The following DOCK7 variants were observed in gnomAD, a reference collection of about 807,000 sequenced individuals.
DOCK7 encodes the protein dedicator of cytokinesis protein 7.
In DOCK7, 138 loss-of-function variants were observed where a neutral mutation model predicts 271.0. The ratio of observed to expected loss-of-function variants is 0.51; its 90% CI spans 0.44 to 0.59. The LOEUF (loss-of-function observed/expected upper bound fraction) is 0.59. Among genes scored for constraint, DOCK7 ranks in the 20% least tolerant of loss-of-function variants. The pLI, the probability that DOCK7 is intolerant of heterozygous loss-of-function variation, is 0.00. For missense variants in DOCK7, 2,066 were observed against 2,592.4 expected (o/e 0.80, Z 4.41); for synonymous variants, 823 against 876.1 (o/e 0.94, Z 1.07).
intron 1 of DOCK7, among the ~76,000 whole-genome samples, chr1:62,669,271 G>A (rs1371420312): frequency 6.6e-6 from 1 of 152,216 alleles, no homozygotes; most frequent in Admixed American, 6.5e-5. Context: ...TAGTGGGAAA[G>A]CCCAATGTTT....
At chr1:62,488,635 T>A in intron 42 of DOCK7, 1 of 309,614 alleles carries the variant, frequency 3.2e-6, no homozygotes, top group South Asian at 3.4e-5. Context: ...GATTCACAAC[T>A]ATGATCTACC....
chr1:62,519,679 G>C (rs1644786348), intron 31 of DOCK7, among the ~76,000 whole-genome samples: 1 of 152,132 alleles, frequency 6.6e-6, no homozygotes, highest in African/African-American at 2.4e-5. Context: ...GATGAGAAGG[G>C]ATGACTAACT....
In DOCK7 at chr1:62,473,978, A is replaced by G. The variant is rs764885038; in HGVS notation, c.6212+4T>C. On this transcript the variant is annotated splice_donor_region_variant and intron_variant, in intron 48 of 49. Coordinates refer to ENST00000635253, the MANE Select transcript of DOCK7 (RefSeq NM_001367561.1). ...AAGATCTTTACGCAGAAAGCCTTGA[A>G]TACCTTTTAGTAAAATCTTTAAAGC... The G allele has an allele frequency of 6.2e-7, 1 of 1,611,934 alleles. No homozygotes were observed. Among genetic ancestry groups the G allele is most frequent in the Non-Finnish European group, 8.5e-7 (1 of 1,178,226 alleles).
intron 4 of DOCK7, among the ~76,000 whole-genome samples, chr1:62,651,751 T>C (rs1006423778): frequency 6.6e-5 from 10 of 152,218 alleles, no homozygotes; most frequent in African/African-American, 2.4e-4. Context: ...CAGATCTTAA[T>C]CTGTGTTCCA....
At chr1:62,688,200 G>A in intron 1 of DOCK7, 27 bp downstream of exon 1, 2 of 1,369,648 alleles carry the variant, frequency 1.5e-6, no homozygotes, top group Non-Finnish European at 9.5e-7. Context: ...GGCGGCGGCG[G>A]CGGCGCGCCC....
Position 62,475,952 on chromosome 1 carries a change from G to A in DOCK7, c.5725-9C>T, listed in dbSNP as rs1159593832. The A allele has an allele frequency of 6.2e-7, 1 of 1,608,068 alleles. No homozygotes were observed. ...GTAATCTGAATATATGCCTAGGAAA[G>A]AAAAAAGTCCTTCATTTCCTCACTG... is the stretch of plus-strand genomic sequence containing the variant. On this transcript the variant is annotated splice_polypyrimidine_tract_variant and intron_variant, in intron 45 of 49. Transcript: ENST00000635253.
intron 18 of DOCK7, among the ~76,000 whole-genome samples, chr1:62,571,782 C>T (rs1646789298): frequency 6.6e-6 from 1 of 152,128 alleles, no homozygotes; most frequent in South Asian, 2.1e-4. Context: ...AGCCATTATC[C>T]TGAACAAACT....
In DOCK7 at chr1:62,601,183, T is replaced by C. The variant is rs190255403; in HGVS notation, c.1683-14559A>G. ...TTCTTCAGTTGAATGAAATAAGAAA[T>C]GTAAAACATGATGGTAAGACACTTT... On this transcript the variant is annotated intron_variant, in intron 14 of 49. Transcript: ENST00000635253. 14 of 1,602,574 alleles carry C rather than the reference T, an allele frequency of 8.7e-6. No homozygotes were observed. The South Asian group carries it at 1.1e-4, about 13-fold the overall frequency.
At position 62,555,895 on chromosome 1, in the gene DOCK7, G is replaced by C; in HGVS notation, c.2526C>G (p.Asn842Lys). The C allele has an allele frequency of 6.2e-7, 1 of 1,613,884 alleles. No individual in the cohort carries two copies. The highest frequency in any genetic ancestry group is 8.5e-7 in the Non-Finnish European group (1 of 1,179,900). Residue 842 changes from asparagine to lysine, a missense_variant, in exon 21 of 50, where the codon AAC becomes AAG. Asn to Lys is a moderately conservative substitution (Grantham distance 94). Transcript: ENST00000635253. Reference protein sequence around the residue: ...LEGNHDQHGRNSLLASYIHYV... With the variant: ...LEGNHDQHGRKSLLASYIHYV... ...AATGAATATATGATGCAAGAAGGCT[G>C]TTTCTGCCATGCTGGTCATGATTTC...
intron 43 of DOCK7, 107 bp from the exon 44 acceptor site, chr1:62,477,932 A>G (rs1646013003): frequency 2.4e-6 from 3 of 1,255,870 alleles, no homozygotes; most frequent in Admixed American, 5.7e-5. Context: ...AACATTGCAA[A>G]AAGTTTTAAT....
At chr1:62,460,017 A>G (rs1031833414) in intron 48 of DOCK7, among the ~76,000 whole-genome samples, 5 of 146,958 alleles carry the variant, frequency 3.4e-5, no homozygotes, top group South Asian at 2.2e-4. Context: ...GGAGAATGGC[A>G]TGAACCTGGG....
At chr1:62,661,372 G>A (rs1435980285) in intron 2 of DOCK7, among the ~76,000 whole-genome samples, 1 of 152,038 alleles carries the variant, frequency 6.6e-6, no homozygotes, top group Non-Finnish European at 1.5e-5. Context: ...GTACAATACT[G>A]TAAATGTACT....
chr1:62,455,279 AT>A lies in DOCK7; in HGVS notation c.*134del, dbSNP rs547645113. ...CAAGCGTTAACAATCTACATTTGAT[AT>A]TTTCTTGGCCACTGCATTCTTCAAT... On this transcript the variant is annotated 3_prime_UTR_variant, in exon 50 of 50. Transcript: ENST00000635253. 3.4e-4 allele frequency: 308 copies of A among 897,834 alleles called. No homozygotes were observed. The African/African-American group carries it at 4.2e-3, about 12-fold the overall frequency. The allele number at this position is 897,834 out of a possible 1,614,324, so 55.6% of individuals were successfully genotyped here.
chr1:62,552,097 A>C (rs928821160), intron 22 of DOCK7, among the ~76,000 whole-genome samples: 2 of 152,150 alleles, frequency 1.3e-5, no homozygotes, highest in Non-Finnish European at 2.9e-5. Flanking sequence ...TGCAGTATAT[A>C]AATATACAGT....
chr1:62,542,063 A>G (rs918369236), intron 25 of DOCK7, among the ~76,000 whole-genome samples: 1 of 151,998 alleles, frequency 6.6e-6, no homozygotes, highest in Non-Finnish European at 1.5e-5. Context: ...TTTTTGGTAG[A>G]TATGGGCTCT....
chr1:62,460,634 CA>C (rs1645495883), intron 48 of DOCK7, among the ~76,000 whole-genome samples: 2 of 149,906 alleles, frequency 1.3e-5, no homozygotes, highest in African/African-American at 4.9e-5. Flanking sequence ...CACACACACA[CA>C]CACACCCTCC....
intron 49 of DOCK7, 113 bp downstream of exon 49, chr1:62,457,425 T>C (rs1169579062): frequency 5.6e-5 from 60 of 1,078,466 alleles, no homozygotes; most frequent in South Asian, 1.6e-5. Flanking sequence ...CAAACACTTC[T>C]GGTCCTAAGC....
intron 18 of DOCK7, among the ~76,000 whole-genome samples, chr1:62,566,782 T>G (rs921052544): frequency 1.5e-4 from 23 of 152,140 alleles, no homozygotes; most frequent in Non-Finnish European, 2.5e-4. Flanking sequence ...GGAGAAAATT[T>G]TTGCAATCTA....
chr1:62,489,325 T>C (rs956021134), intron 41 of DOCK7, among the ~76,000 whole-genome samples: 1 of 151,994 alleles, frequency 6.6e-6, no homozygotes, highest in Non-Finnish European at 1.5e-5. Context: ...GGCGGGTGCC[T>C]GTAGTCCCAG....
Sources: gnomAD v4.1 joint callset for allele counts (sites outside exome capture counted in the v4.1 genomes callset) on GRCh38, gnomAD v4.1.1 for gene constraint, MANE v1.5 for transcripts, NCBI Gene and HGNC (gene_info 2026-07-23, HGNC 2026-07-21) for gene names.